ZFR2: variants seen among roughly 807,000 people sequenced by gnomAD.
ZFR2 encodes zinc finger RNA-binding protein 2.
Under a neutral mutation model 105.7 loss-of-function variants are expected in ZFR2, and 104 were observed. That is an observed-to-expected ratio of 0.98 (90% confidence interval 0.84 to 1.16). The LOEUF (loss-of-function observed/expected upper bound fraction) is 1.16, where lower values mean the gene tolerates loss of function less well. Among genes scored for constraint, ZFR2 ranks in the 50% most tolerant of loss-of-function variants. The pLI, the probability that ZFR2 is intolerant of heterozygous loss-of-function variation, is 0.00. For synonymous variants in ZFR2, 634 were observed against 597.7 expected, an observed-to-expected ratio of 1.06 and a Z score of -0.89; for missense variants, 1,425 against 1,355.5, an observed-to-expected ratio of 1.05 and a Z score of -0.80.
Position 3,813,817 on chromosome 19 carries a change from C to T in ZFR2, c.2242+3G>A, listed in dbSNP as rs1436816319. 3 of 1,613,564 alleles carry T rather than the reference C, an allele frequency of 1.9e-6. No individual in the cohort carries two copies. The highest frequency in any genetic ancestry group is 2.5e-6 in the Non-Finnish European group (3 of 1,179,822). On this transcript the variant is annotated splice_donor_region_variant and intron_variant, in intron 14 of 18. Coordinates refer to ENST00000262961, the MANE Select transcript of ZFR2 (RefSeq NM_015174.2). This position sits in a 1 kb window ranked among gnomAD's most constrained non-coding sequence, Gnocchi z 4.4. ...GTGGTTGGAAGGAAGGGCTGGGCCG[C>T]ACCTGGGTCTGTGGAGGGGTCCTCC...
At chr19:3,863,311 C>G (rs2038393375) in intron 1 of ZFR2, among the ~76,000 whole-genome samples, 1 of 152,222 alleles carries the variant, frequency 6.6e-6, no homozygotes, top group Admixed American at 6.5e-5. Flanking sequence ...GGGCCTTTTT[C>G]AAGCTACCTG....
chr19:3,827,682 G>T, intron 5 of ZFR2, 29 bp from the exon 6 acceptor site: 1 of 1,560,650 alleles, frequency 6.4e-7, no homozygotes, highest in Non-Finnish European at 8.7e-7. Context: ...GGCAGCCTGG[G>T]CGGGGGTTTG....
chr19:3,831,185 A>G (rs993573328), intron 5 of ZFR2, 118 bp downstream of exon 5: 29 of 1,378,790 alleles, frequency 2.1e-5, no homozygotes, highest in Admixed American at 2.9e-5. Flanking sequence ...GCAAGTTAAC[A>G]CCAGACCTTC....
chr19:3,834,202 G>A lies in ZFR2; in HGVS notation c.265-424C>T, dbSNP rs1031967757. On this transcript the variant is annotated intron_variant, in intron 2 of 18. Coordinates refer to ENST00000262961, the MANE Select transcript of ZFR2 (RefSeq NM_015174.2). The surrounding 1 kb of genome is among the most constrained non-coding windows in gnomAD (Gnocchi z 5.3). ...CCGACACAATCTGGGGACGAGGTGCGGGTGGCAGAGCTGGGAAATTGGAGC... is the reference window on the plus strand; with the variant it reads ...CCGACACAATCTGGGGACGAGGTGCAGGTGGCAGAGCTGGGAAATTGGAGC... Among the ~76,000 whole-genome samples the A allele has an allele frequency of 1.7e-4, 26 of 152,298 alleles. No individual in the cohort carries two copies. The East Asian group carries it at 4.1e-3, about 24-fold the overall frequency.
Position 3,869,031 on chromosome 19 carries a change from C to A in ZFR2, c.-14G>T, listed in dbSNP as rs899535784. 3 of 1,349,212 alleles carry A rather than the reference C, an allele frequency of 2.2e-6. No individual in the cohort carries two copies. Among genetic ancestry groups the A allele is most frequent in the Non-Finnish European group, 2.9e-6 (3 of 1,041,050 alleles). 83.6% of individuals were successfully genotyped at this position (1,349,212 alleles called of 1,614,324 possible). A position where few individuals can be genotyped will look rare whatever the true frequency, so the allele number is the denominator to read the frequency against. On this transcript the variant is annotated 5_prime_UTR_variant, in exon 1 of 19. Coordinates refer to ENST00000262961, the MANE Select transcript of ZFR2 (RefSeq NM_015174.2). ...ACTCGTCGCCATCTTGGCGTCTTCCCCGAGCCTGGCGGACCCGCGACGTCA... is the reference window on the plus strand; with the variant it reads ...ACTCGTCGCCATCTTGGCGTCTTCCACGAGCCTGGCGGACCCGCGACGTCA...
At chr19:3,819,345 G>A (rs1290672025) in intron 11 of ZFR2, 110 bp from the exon 12 acceptor site, 21 of 1,164,380 alleles carry the variant, frequency 1.8e-5, no homozygotes, top group Admixed American at 3.1e-5. Flanking sequence ...GTTACGAGGC[G>A]GCAGCGTGGC....
At chr19:3,827,337 C>T (rs1195931659) in intron 6 of ZFR2, 134 bp downstream of exon 6, 10 of 1,107,342 alleles carry the variant, frequency 9.0e-6, no homozygotes, top group Middle Eastern at 3.0e-4. Context: ...GGCGGCTGGC[C>T]CTTGGGGCGC....
In ZFR2 at chr19:3,821,355, CA is replaced by C; in HGVS notation, c.1615del (p.Trp539GlyfsTer115). ...AEERLEQLRRWHAERRRLEEE... is the reference protein window; with the variant it reads ...AEERLEQLRRXHAERRRLEEE... ...AGCCGGGCACCTCCTCTCCGCGTGC[CA>C]GCGCCGCAGCTGCTCCAGCCGCTCC... On this transcript the variant is annotated frameshift_variant, in exon 10 of 19. Coordinates refer to ENST00000262961, the MANE Select transcript of ZFR2 (RefSeq NM_015174.2). LOFTEE classifies it high-confidence loss of function. 1 of 1,600,498 alleles carries C rather than the reference CA, an allele frequency of 6.2e-7. No homozygotes were observed. The highest frequency in any genetic ancestry group is 8.5e-7 in the Non-Finnish European group (1 of 1,175,252).
chr19:3,843,269 G>A (rs575964241), intron 1 of ZFR2, among the ~76,000 whole-genome samples: 15 of 151,736 alleles, frequency 9.9e-5, no homozygotes, highest in African/African-American at 3.6e-4. Flanking sequence ...TCAGGAGGTC[G>A]GGACCAGCCT....
chr19:3,860,165 G>C (rs973130748), intron 1 of ZFR2, among the ~76,000 whole-genome samples: 2 of 151,206 alleles, frequency 1.3e-5, no homozygotes, highest in African/African-American at 4.9e-5. Context: ...CAAGTAGCTG[G>C]AACTACAGGT....
At chr19:3,859,585 G>C (rs12610005) in intron 1 of ZFR2, among the ~76,000 whole-genome samples, 1 of 152,144 alleles carries the variant, frequency 6.6e-6, no homozygotes, top group South Asian at 2.1e-4. Context: ...ACCTTGGCGC[G>C]GTGGGTCTGC....
chr19:3,842,334 A>G lies in ZFR2; in HGVS notation c.54-7351T>C, dbSNP rs1251072831. ...CGGCCAGAGTAACTCTACCATAGCA[A>G]CGAGAGACCCTGAGCATTAGAATTG... On this transcript the variant is annotated intron_variant, in intron 1 of 18. Transcript: ENST00000262961. Among the ~76,000 whole-genome samples, 3 of 152,128 alleles carry G rather than the reference A, an allele frequency of 2.0e-5. No individual in the cohort carries two copies. The East Asian group carries it at 5.8e-4, about 29-fold the overall frequency.
rs541626170 is a variant in ZFR2 at position 3,816,754 on chromosome 19, G to A, written c.2023C>T (p.Arg675Cys). The change falls in exon 13 of 19, where the codon CGC (arginine) becomes TGC (cysteine). Residue 675 changes from arginine (R) to cysteine (C), a missense_variant. Arg to Cys is a radical substitution (Grantham distance 180). Coordinates refer to ENST00000262961, the MANE Select transcript of ZFR2 (RefSeq NM_015174.2). The stretch of plus-strand genomic sequence containing the variant: ...TTCTCGGAGCAGAGCAGAGCGAGGC[G>A]CACGTTCCTGTCCCCACGCAGGAGG... ...GLLLRGDRNV[R>C]LALLCSEKPT... 20 of 1,612,146 alleles carry A rather than the reference G, an allele frequency of 1.2e-5. No individual in the cohort carries two copies. The highest frequency in any genetic ancestry group is 8.3e-5 in the Admixed American group (5 of 59,888).
At chr19:3,806,283 GAC>G (rs1273023284) in intron 18 of ZFR2, among the ~76,000 whole-genome samples, 158 bp from the exon 19 acceptor site, 8 of 151,582 alleles carry the variant, frequency 5.3e-5, no homozygotes, top group African/African-American at 1.2e-4. Context: ...TCTTTTTTGA[GAC>G]ACAGTCTCGC....
rs780193524 is a variant in ZFR2, at chr19:3,811,385, C to T, written c.2243-19G>A. 91 of 1,560,128 alleles carry T rather than the reference C, an allele frequency of 5.8e-5. No individual in the cohort carries two copies. The East Asian group carries it at 1.5e-3, about 26-fold the overall frequency. Reference sequence around the variant, plus strand: ...TCCACACCTTCTAGAAGAAAAACCTCGAGGTGTGCGGGGAAGGTGCCTCGT... The same window carrying T: ...TCCACACCTTCTAGAAGAAAAACCTTGAGGTGTGCGGGGAAGGTGCCTCGT... On this transcript the variant is annotated intron_variant, in intron 14 of 18. Transcript: ENST00000262961.
Position 3,825,304 on chromosome 19 carries a change from G to T in ZFR2, c.1139C>A (p.Thr380Asn). 6.3e-7 allele frequency: 1 copy of T among 1,580,722 alleles called. No homozygotes were observed. The highest frequency in any genetic ancestry group is 1.9e-5 in the Admixed American group (1 of 51,928). The part of the protein sequence containing the change: ...PGAEAKPTSP[T>N]GPSVCASSRP... ...GCTCGAGGCACACACGCTGGGGCCA[G>T]TGGGGGACGTGGGCTTGGCCTCTGC... Residue 380 changes from threonine (T) to asparagine (N), a missense_variant, in exon 7 of 19, where the codon ACT (threonine) becomes AAT (asparagine). By Grantham distance (65) the Thr-to-Asn change is moderately conservative. Transcript: ENST00000262961.
At chr19:3,816,242 TC>T (rs1283475111) in intron 13 of ZFR2, among the ~76,000 whole-genome samples, 1 of 117,936 alleles carries the variant, frequency 8.5e-6, no homozygotes, top group Non-Finnish European at 1.7e-5. Flanking sequence ...TCTTCTTGTA[TC>T]TTTTTTTTTT....
At chr19:3,817,567 G>GATGATA (rs780175758) in intron 12 of ZFR2, among the ~76,000 whole-genome samples, 158 of 124,012 alleles carry the variant, frequency 1.3e-3, no homozygotes, top group African/African-American at 4.3e-3. Context: ...TCAAAATAAT[G>GATGATA]ATAATAATAA....
In ZFR2 at chr19:3,819,259, C is replaced by T. The variant is rs771093959; in HGVS notation, c.1741-24G>A. 11 of 1,490,392 alleles carry T rather than the reference C, an allele frequency of 7.4e-6. No individual in the cohort carries two copies. The East Asian group carries it at 2.6e-4, about 35-fold the overall frequency. The allele number at this position is 1,490,392 out of a possible 1,614,324, so 92.3% of individuals were successfully genotyped here. On this transcript the variant is annotated intron_variant, in intron 11 of 18. Coordinates refer to ENST00000262961, the MANE Select transcript of ZFR2 (RefSeq NM_015174.2). ...GGCTGTGGGGAGAGGCCGCACGTGT[C>T]AAGGGTGGTCTGTGGGGACCCTTGG...
Sources: gnomAD v4.1 joint callset for allele counts (sites outside exome capture counted in the v4.1 genomes callset) on GRCh38, gnomAD v4.1.1 for gene constraint, Gnocchi (gnomAD v3.1) non-coding constraint, MANE v1.5 for transcripts, NCBI Gene and HGNC (gene_info 2026-07-23, HGNC 2026-07-21) for gene names.